BRINP3: variants seen among roughly 807,000 people sequenced by gnomAD.
BRINP3 encodes BMP/retinoic acid inducible neural specific 3, also known as BMP/retinoic acid-inducible neural-specific protein 3.
In BRINP3, 19 loss-of-function variants were observed where a neutral mutation model predicts 71.0. That is an observed-to-expected ratio of 0.27 (90% CI 0.19 to 0.39). BRINP3 has a LOEUF of 0.39. Ranked by LOEUF, BRINP3 falls within the 10% of genes least tolerant of loss-of-function variation. The pLI, the probability that BRINP3 is intolerant of heterozygous loss-of-function variation, is 1.00. For synonymous variants in BRINP3, 380 were observed against 337.7 expected (o/e 1.13, Z -1.37); for missense variants, 959 against 940.8 (o/e 1.02, Z -0.25).
chr1:190,253,284 A>C (rs930359200), intron 4 of BRINP3, among the ~76,000 whole-genome samples: 5 of 152,182 alleles, frequency 3.3e-5, no homozygotes, highest in African/African-American at 1.2e-4. Context: ...CTTTGGGTAT[A>C]TACCCAGTAA....
At chr1:190,149,065 G>A (rs894518667) in intron 7 of BRINP3, among the ~76,000 whole-genome samples, 1 of 152,198 alleles carries the variant, frequency 6.6e-6, no homozygotes, top group African/African-American at 2.4e-5. Context: ...TGAATTTAAA[G>A]TAAAACTACT....
At chr1:190,421,547 T>C (rs1465758150) in intron 2 of BRINP3, among the ~76,000 whole-genome samples, 1 of 151,624 alleles carries the variant, frequency 6.6e-6, no homozygotes, top group African/African-American at 2.4e-5. Flanking sequence ...TGAAAGTAAT[T>C]GATTCCCTAT....
intron 7 of BRINP3, among the ~76,000 whole-genome samples, chr1:190,102,613 G>A (rs1009937860): frequency 6.6e-6 from 1 of 151,770 alleles, no homozygotes; most frequent in African/African-American, 2.4e-5. Flanking sequence ...AAGGAAAAAA[G>A]GAAGGGAGAA....
chr1:190,179,094 G>A (rs887492953), intron 6 of BRINP3, among the ~76,000 whole-genome samples: 11 of 152,072 alleles, frequency 7.2e-5, no homozygotes, highest in Non-Finnish European at 8.8e-5. Context: ...GATTTGCCAG[G>A]TGCAGCACTA....
chr1:190,477,670 G>C lies in BRINP3; in HGVS notation c.-273C>G, dbSNP rs1467512706. ...AGCAGAATGTGAAAATGCTTTATAT[G>C]GGGGGGTGGGGAATGGTGGGGGGTG... On this transcript the variant is annotated 5_prime_UTR_variant, in exon 1 of 8. Transcript: ENST00000367462. 6.6e-6 allele frequency: 1 copy of C among 151,390 alleles called. No individual in the cohort carries two copies. Among genetic ancestry groups the C allele is most frequent in the East Asian group, 1.9e-4 (1 of 5,150 alleles). 9.4% of individuals were successfully genotyped at this position (151,390 alleles called of 1,614,324 possible).
At chr1:190,422,919 T>C (rs770466687) in intron 2 of BRINP3, among the ~76,000 whole-genome samples, 10 of 151,858 alleles carry the variant, frequency 6.6e-5, no homozygotes, top group Non-Finnish European at 1.2e-4. Flanking sequence ...ATTATTACTA[T>C]ATTTCAAATT....
rs60244949 is a variant in BRINP3, at chr1:190,206,848, T to C, written c.961+19234A>G. ...AATGAGAATATTAAATTTACAGAAA[T>C]AAAAAAGCAAAGAAGATATGATAGT... On this transcript the variant is annotated intron_variant, in intron 6 of 7. Coordinates refer to ENST00000367462, the MANE Select transcript of BRINP3 (RefSeq NM_199051.3). 3.3e-3 allele frequency among the ~76,000 whole-genome samples: 497 copies of C among 151,818 alleles called. 2 individuals carry two copies. The highest frequency in any genetic ancestry group is 0.011 in the African/African-American group (463 of 41,446).
At chr1:190,468,727 G>A (rs1206026153) in intron 1 of BRINP3, among the ~76,000 whole-genome samples, 1 of 151,000 alleles carries the variant, frequency 6.6e-6, no homozygotes, top group Non-Finnish European at 1.5e-5. Flanking sequence ...TATATCTTTT[G>A]GGGGGTGGGA....
chr1:190,177,045 A>G (rs1652576047), intron 6 of BRINP3, among the ~76,000 whole-genome samples: 1 of 151,870 alleles, frequency 6.6e-6, no homozygotes, highest in Non-Finnish European at 1.5e-5. Flanking sequence ...CTGTATTACC[A>G]CAGGATAACA....
At chr1:190,229,340 C>A (rs909113465) in intron 5 of BRINP3, among the ~76,000 whole-genome samples, 11 of 151,972 alleles carry the variant, frequency 7.2e-5, no homozygotes, top group African/African-American at 2.7e-4. Flanking sequence ...CAAACTCTCT[C>A]TTGTCTGCCC....
At chr1:190,365,716 G>T (rs1260794818) in intron 2 of BRINP3, among the ~76,000 whole-genome samples, 2 of 142,870 alleles carry the variant, frequency 1.4e-5, no homozygotes, top group South Asian at 2.2e-4. Context: ...TTATAATAGT[G>T]CTATAATATT....
intron 2 of BRINP3, among the ~76,000 whole-genome samples, chr1:190,327,950 C>A (rs1330100694): frequency 6.6e-6 from 1 of 152,066 alleles, no homozygotes; most frequent in Non-Finnish European, 1.5e-5. Context: ...TCATACAAAC[C>A]ATACTCTTGG....
chr1:190,345,101 C>T (rs1407927090), intron 2 of BRINP3, among the ~76,000 whole-genome samples: 2 of 151,734 alleles, frequency 1.3e-5, no homozygotes, highest in Non-Finnish European at 3.0e-5. Flanking sequence ...AGTCAGGGTC[C>T]TTGTTCATGT....
intron 2 of BRINP3, among the ~76,000 whole-genome samples, chr1:190,402,424 A>G (rs965210480): frequency 5.3e-5 from 8 of 152,150 alleles, no homozygotes; most frequent in African/African-American, 1.9e-4. Flanking sequence ...TTTATACTTA[A>G]TAGTAACTAT....
At chr1:190,281,350 C>A (rs1663022998) in intron 3 of BRINP3, among the ~76,000 whole-genome samples, 2 of 151,974 alleles carry the variant, frequency 1.3e-5, no homozygotes, top group Admixed American at 6.6e-5. Context: ...AAATAGCTTT[C>A]ATGCAGAAAC....
intron 2 of BRINP3, among the ~76,000 whole-genome samples, chr1:190,369,019 G>C (rs1011837809): frequency 1.3e-5 from 2 of 152,074 alleles, no homozygotes; most frequent in African/African-American, 4.8e-5. Context: ...CCAGCCCTCA[G>C]TTTGGTCTGG....
chr1:190,157,665 G>A (rs115523689), intron 7 of BRINP3, among the ~76,000 whole-genome samples: 85 of 152,046 alleles, frequency 5.6e-4, no homozygotes, highest in African/African-American at 1.9e-3. Flanking sequence ...CAAATAACAA[G>A]ATCTTCACCC....
intron 2 of BRINP3, among the ~76,000 whole-genome samples, chr1:190,368,049 G>A (rs566848146): frequency 6.6e-6 from 1 of 152,208 alleles, no homozygotes; most frequent in South Asian, 2.1e-4. Context: ...TATCTTCAGA[G>A]CAGCACCCCA....
At chr1:190,132,412 T>G (rs1303615007) in intron 7 of BRINP3, among the ~76,000 whole-genome samples, 1 of 152,082 alleles carries the variant, frequency 6.6e-6, no homozygotes, top group Non-Finnish European at 1.5e-5. Context: ...CTTAGATATT[T>G]GTATTATATT....
Sources: gnomAD v4.1 joint callset for allele counts (sites outside exome capture counted in the v4.1 genomes callset) on GRCh38, gnomAD v4.1.1 for gene constraint, MANE v1.5 for transcripts, NCBI Gene and HGNC (gene_info 2026-07-23, HGNC 2026-07-21) for gene names.